SNX25: variants seen among roughly 807,000 people sequenced by gnomAD.
SNX25 encodes the protein sorting nexin 25.
Under a neutral mutation model 113.7 loss-of-function variants are expected in SNX25, and 62 were observed. The ratio of observed to expected loss-of-function variants is 0.55; its 90% CI spans 0.44 to 0.67. The LOEUF (loss-of-function observed/expected upper bound fraction) is 0.67. Among genes scored for constraint, SNX25 ranks in the 30% least tolerant of loss-of-function variants. The pLI, the probability that SNX25 is intolerant of heterozygous loss-of-function variation, is 0.00. For missense variants in SNX25, 1,014 were observed against 1,161.0 expected, an observed-to-expected ratio of 0.87 and a Z score of 1.84; for synonymous variants, 421 against 436.2, an observed-to-expected ratio of 0.97 and a Z score of 0.43.
In SNX25 at chr4:185,306,784, A is replaced by G. The variant is rs555617299; in HGVS notation, c.1163-3851A>G. On this transcript the variant is annotated intron_variant, in intron 6 of 18. Coordinates refer to ENST00000652585, the MANE Select transcript of SNX25 (RefSeq NM_001378034.2). ...GAAAAATTAGGTCTTCCAAGCTTGC[A>G]TTTCCTTAGGTACACTCACAAAACA... Among the ~76,000 whole-genome samples the G allele has an allele frequency of 1.4e-4, 22 of 152,354 alleles. No homozygotes were observed. In the South Asian group the frequency reaches 4.6e-3, roughly 32 times the overall value.
intron 15 of SNX25, among the ~76,000 whole-genome samples, chr4:185,354,426 T>G (rs1273117655): frequency 6.6e-6 from 1 of 152,202 alleles, no homozygotes; most frequent in Non-Finnish European, 1.5e-5. Context: ...AAAATGTTTT[T>G]GATTGTCTTA....
intron 3 of SNX25, among the ~76,000 whole-genome samples, chr4:185,263,731 C>T (rs966465057): frequency 4.6e-5 from 7 of 152,170 alleles, no homozygotes; most frequent in African/African-American, 1.7e-4. Context: ...TTATACTTTG[C>T]CTCCTCATCT....
In SNX25 at chr4:185,326,363, T is replaced by C. The variant is rs1243169772; in HGVS notation, c.1749+2563T>C. 2.6e-5 allele frequency among the ~76,000 whole-genome samples: 4 copies of C among 152,148 alleles called. No homozygotes were observed. The East Asian group carries it at 7.7e-4, about 29-fold the overall frequency. On this transcript the variant is annotated intron_variant, in intron 9 of 18. Transcript: ENST00000652585. ...TCTGATGTCACAATCTCCAAAGTTATCAGAAACCTGCATTTGAGAGCACCT... is the reference window on the plus strand; with the variant it reads ...TCTGATGTCACAATCTCCAAAGTTACCAGAAACCTGCATTTGAGAGCACCT...
intron 1 of SNX25, among the ~76,000 whole-genome samples, chr4:185,220,595 C>T (rs1429880569): frequency 5.3e-5 from 8 of 151,258 alleles, no homozygotes; most frequent in Non-Finnish European, 5.9e-5. Context: ...AATTCTCCTG[C>T]CTCAGCCTCC....
downstream of SNX25, chr4:185,371,207 T>A: frequency 6.0e-6 from 1 of 166,422 alleles, no homozygotes; most frequent in Non-Finnish European, 1.3e-5. Flanking sequence ...GTTAGCCACA[T>A]AGGACCAGAA....
intron 9 of SNX25, among the ~76,000 whole-genome samples, chr4:185,331,163 G>A (rs2126704593): frequency 6.6e-6 from 1 of 152,174 alleles, no homozygotes; most frequent in East Asian, 1.9e-4. Flanking sequence ...GGGAACTTTT[G>A]GAAATTTATC....
At chr4:185,246,103 T>C (rs1389155362) in intron 1 of SNX25, among the ~76,000 whole-genome samples, 1 of 152,028 alleles carries the variant, frequency 6.6e-6, no homozygotes, top group Non-Finnish European at 1.5e-5. Context: ...CTGGCCAACA[T>C]GGGAAAAACC....
chr4:185,367,448 TC>T (rs2126774589), downstream of SNX25, among the ~76,000 whole-genome samples: 1 of 152,300 alleles, frequency 6.6e-6, no homozygotes, highest in East Asian at 1.9e-4. Flanking sequence ...CATGTTATTC[TC>T]ATTTGAAAGA....
chr4:185,358,442 G>T (rs1261674417), intron 16 of SNX25, among the ~76,000 whole-genome samples: 1 of 152,154 alleles, frequency 6.6e-6, no homozygotes, highest in East Asian at 1.9e-4. Flanking sequence ...AATTAATATA[G>T]TCAATTATTA....
the SNX25 span, chr4:185,378,586 T>C: frequency 1.0e-6 from 1 of 1,000,084 alleles, no homozygotes; most frequent in Non-Finnish European, 1.2e-6. Flanking sequence ...TTCTCTGCCC[T>C]TGTAACTGAC....
At chr4:185,221,998 T>C (rs3112900) in intron 1 of SNX25, among the ~76,000 whole-genome samples, 93,442 of 144,126 alleles carry the variant, frequency 0.65, 31,393 homozygotes, top group East Asian at 0.76. Flanking sequence ...CCCTCCTTCA[T>C]GGTAGATATA....
chr4:185,327,713 T>C (rs1379356372), intron 9 of SNX25, among the ~76,000 whole-genome samples: 2 of 152,220 alleles, frequency 1.3e-5, no homozygotes, highest in Non-Finnish European at 2.9e-5. Context: ...GTCTGTGGAC[T>C]AGACTGCCTA....
intron 1 of SNX25, among the ~76,000 whole-genome samples, chr4:185,213,486 C>G (rs1738267103): frequency 1.3e-5 from 2 of 152,184 alleles, no homozygotes; most frequent in African/African-American, 2.4e-5. Flanking sequence ...AAAACTTGGA[C>G]TCTTGTTACA....
the SNX25 span, chr4:185,375,724 T>A: frequency 1.3e-6 from 2 of 1,585,694 alleles, no homozygotes; most frequent in Non-Finnish European, 1.7e-6. Context: ...CTTCATACCA[T>A]CCCTAGAAGC....
chr4:185,239,933 C>G (rs1389560690), intron 1 of SNX25, among the ~76,000 whole-genome samples: 3 of 150,270 alleles, frequency 2.0e-5, no homozygotes, highest in Non-Finnish European at 4.4e-5. Context: ...GTGTTTGTGT[C>G]CCTGGGTACT....
At chr4:185,240,340 C>T (rs1323393847) in intron 1 of SNX25, among the ~76,000 whole-genome samples, 8 of 151,604 alleles carry the variant, frequency 5.3e-5, no homozygotes, top group African/African-American at 1.2e-4. Flanking sequence ...CCAGTAGGGG[C>T]GGCCGGGCAG....
chr4:185,378,458 C>T, the SNX25 span: 29 of 1,238,128 alleles, frequency 2.3e-5, no homozygotes, highest in Non-Finnish European at 2.8e-5. Context: ...CCTGTTTGCA[C>T]GTCCTGTCTG....
rs532195487 is a variant in SNX25, at chr4:185,319,745, T to G, written c.1345-988T>G. 4.6e-5 allele frequency among the ~76,000 whole-genome samples: 7 copies of G among 152,312 alleles called. No individual in the cohort carries two copies. The East Asian group carries it at 1.2e-3, about 25-fold the overall frequency. ...AGTGAGTGAATGGTTAATAGGAAAT[T>G]GGTATTTTTTCAGTATGTGCATTTT... On this transcript the variant is annotated intron_variant, in intron 7 of 18. Coordinates refer to ENST00000652585, the MANE Select transcript of SNX25 (RefSeq NM_001378034.2).
Position 185,291,161 on chromosome 4 carries a change from C to G in SNX25, c.1162+3079C>G, listed in dbSNP as rs572480860. 7.8e-3 allele frequency among the ~76,000 whole-genome samples: 942 copies of G among 120,886 alleles called. 15 individuals carry two copies. Among genetic ancestry groups the G allele is most frequent in the South Asian group, 0.068 (237 of 3,508 alleles). The allele number at this position is 120,886 out of a possible 152,430, so 79.3% of individuals were successfully genotyped here. A position where few individuals can be genotyped will look rare whatever the true frequency, so the allele number is the denominator to read the frequency against. ...CTGATCATTTAAAGGAGCTCACATT[C>G]CTTAGAAAAAAAGATTTTTCTTTTG... On this transcript the variant is annotated intron_variant, in intron 6 of 18. Transcript: ENST00000652585.
Sources: gnomAD v4.1 joint callset for allele counts (sites outside exome capture counted in the v4.1 genomes callset) on GRCh38, gnomAD v4.1.1 for gene constraint, MANE v1.5 for transcripts, NCBI Gene and HGNC (gene_info 2026-07-23, HGNC 2026-07-21) for gene names.